Variants in CYB5R4 observed in about 807,000 individuals in gnomAD.
CYB5R4 encodes the protein N-terminal cytochrome b5 and cytochrome b5 oxidoreductase domain-containing protein.
A neutral mutation model predicts 70.2 loss-of-function variants in CYB5R4; 55 were observed. The ratio of observed to expected loss-of-function variants is 0.78; its 90% CI spans 0.63 to 0.98. CYB5R4 has a LOEUF of 0.98. Among genes scored for constraint, CYB5R4 ranks in the 50% least tolerant of loss-of-function variants. The pLI, the probability that CYB5R4 is intolerant of heterozygous loss-of-function variation, is 0.00. For missense variants in CYB5R4, 562 were observed against 612.6 expected (o/e 0.92, Z 0.87); for synonymous variants, 197 against 199.5 (o/e 0.99, Z 0.11).
intron 14 of CYB5R4, among the ~76,000 whole-genome samples, chr6:83,946,347 G>T (rs905101726): frequency 6.6e-6 from 1 of 152,132 alleles, no homozygotes; most frequent in Non-Finnish European, 1.5e-5. Context: ...AATAGATGCA[G>T]AAAAGGCCTT....
At chr6:83,913,913 C>T (rs1413400409) in intron 4 of CYB5R4, among the ~76,000 whole-genome samples, 2 of 152,012 alleles carry the variant, frequency 1.3e-5, no homozygotes, top group Non-Finnish European at 1.5e-5. Flanking sequence ...CTAATAATTG[C>T]ATTGGGTATA....
At position 83,966,586 on chromosome 6, in the gene CYB5R4, G is replaced by T. The variant is rs553234721; in HGVS notation, c.*6708G>T. ...TAGGCCTGTAATCCCTGCTACTTGG[G>T]AGGCTGAGGCAGGATAATTGCCTGA... On this transcript the variant is annotated 3_prime_UTR_variant, in exon 16 of 16. Coordinates refer to ENST00000369681, the MANE Select transcript of CYB5R4 (RefSeq NM_016230.4). 1 of 152,296 alleles carries T rather than the reference G, an allele frequency of 6.6e-6. No individual in the cohort carries two copies. Among genetic ancestry groups the T allele is most frequent in the Admixed American group, 6.5e-5 (1 of 15,296 alleles). The allele number at this position is 152,296 out of a possible 1,614,324, so 9.4% of individuals were successfully genotyped here. A position where few individuals can be genotyped will look rare whatever the true frequency, so the allele number is the denominator to read the frequency against.
At chr6:83,884,984 A>G (rs2099460033) in intron 2 of CYB5R4, among the ~76,000 whole-genome samples, 1 of 152,168 alleles carries the variant, frequency 6.6e-6, no homozygotes, top group Non-Finnish European at 1.5e-5. Context: ...TTGGTCTTAA[A>G]ATATCTTTAC....
chr6:83,874,375 TA>T (rs1245157861), intron 2 of CYB5R4, among the ~76,000 whole-genome samples: 2 of 151,180 alleles, frequency 1.3e-5, no homozygotes, highest in East Asian at 2.0e-4. Flanking sequence ...AAAAAAAAAT[TA>T]TTTTTTTGTA....
intron 2 of CYB5R4, among the ~76,000 whole-genome samples, chr6:83,881,931 T>G (rs2099459504): frequency 6.6e-6 from 1 of 152,248 alleles, no homozygotes; most frequent in African/African-American, 2.4e-5. Flanking sequence ...TTAATTTATT[T>G]TCCATTTGTC....
chr6:83,909,328 G>A (rs2099464310), intron 4 of CYB5R4, among the ~76,000 whole-genome samples: 1 of 152,088 alleles, frequency 6.6e-6, no homozygotes, highest in Non-Finnish European at 1.5e-5. Context: ...ACAACACTTA[G>A]GGTTGATTTT....
chr6:83,956,270 G>C (rs2099472410), intron 15 of CYB5R4, among the ~76,000 whole-genome samples: 1 of 152,160 alleles, frequency 6.6e-6, no homozygotes. Context: ...TCGGGGCATA[G>C]CTTGGTTTGA....
At chr6:83,878,547 A>C (rs1032285635) in intron 2 of CYB5R4, among the ~76,000 whole-genome samples, 2 of 151,890 alleles carry the variant, frequency 1.3e-5, no homozygotes, top group Non-Finnish European at 2.9e-5. Context: ...GGGGTTTCAC[A>C]GTGTTAGCCA....
intron 10 of CYB5R4, among the ~76,000 whole-genome samples, chr6:83,932,318 G>C (rs2099468279): frequency 6.6e-6 from 1 of 152,172 alleles, no homozygotes; most frequent in African/African-American, 2.4e-5. Flanking sequence ...AACAAGGAAA[G>C]TCAGTAAATC....
intron 15 of CYB5R4, among the ~76,000 whole-genome samples, chr6:83,957,535 C>T (rs763035539): frequency 2.4e-4 from 36 of 148,934 alleles, no homozygotes; most frequent in Non-Finnish European, 4.6e-4. Context: ...GCAGGAGGAT[C>T]GCTCGAATCT....
At chr6:83,896,263 C>T (rs1391785465) in intron 3 of CYB5R4, among the ~76,000 whole-genome samples, 2 of 152,150 alleles carry the variant, frequency 1.3e-5, no homozygotes, top group Non-Finnish European at 2.9e-5. Flanking sequence ...ATTTAGGTAA[C>T]ATGACAGCTA....
intron 10 of CYB5R4, among the ~76,000 whole-genome samples, chr6:83,926,886 C>T (rs1212046889): frequency 6.6e-6 from 1 of 152,126 alleles, no homozygotes; most frequent in Admixed American, 6.5e-5. Flanking sequence ...ACTCTGATGC[C>T]AGAGGTACTT....
At chr6:83,885,024 T>C (rs1470268778) in intron 2 of CYB5R4, among the ~76,000 whole-genome samples, 1 of 152,172 alleles carries the variant, frequency 6.6e-6, no homozygotes, top group Non-Finnish European at 1.5e-5. Context: ...CCAAGGACTA[T>C]TGTTTAGGAC....
At chr6:83,883,749 T>A (rs190571529) in intron 2 of CYB5R4, among the ~76,000 whole-genome samples, 263 of 152,288 alleles carry the variant, frequency 1.7e-3, no homozygotes, top group African/African-American at 6.1e-3. Flanking sequence ...CTACTTTTTG[T>A]CCTCTTCATT....
intron 5 of CYB5R4, 22 bp from the exon 6 acceptor site, chr6:83,917,983 A>G: frequency 6.3e-7 from 1 of 1,597,016 alleles, no homozygotes; most frequent in Non-Finnish European, 8.6e-7. Context: ...TAGATGAACT[A>G]TAGCTATCTT....
chr6:83,934,222 A>C lies in CYB5R4; in HGVS notation c.815-373A>C, dbSNP rs61756891. ...CAGCCTGGGCAACATAGTGAAACCC[A>C]ATCTCTTTAAAAAAAAATTAAAAAA... On this transcript the variant is annotated intron_variant, in intron 10 of 15. Transcript: ENST00000369681. 6.7e-3 allele frequency among the ~76,000 whole-genome samples: 1,014 copies of C among 151,734 alleles called. 13 individuals are homozygous for C. The highest frequency in any genetic ancestry group is 0.022 in the African/African-American group (920 of 41,338).
rs13213244 is a variant in CYB5R4 at position 83,960,232 on chromosome 6, T to C, written c.*354T>C. ...TAAATGATCACTTCGATCATGTTTC[T>C]ATGCTGTAAAATGTCTTATTAGCAA... On this transcript the variant is annotated 3_prime_UTR_variant, in exon 16 of 16. Coordinates refer to ENST00000369681, the MANE Select transcript of CYB5R4 (RefSeq NM_016230.4). The C allele has an allele frequency of 0.044, 7,689 of 174,444 alleles. 202 individuals carry two copies. Among genetic ancestry groups the C allele is most frequent in the African/African-American group, 0.069 (2,881 of 41,918 alleles). 10.8% of individuals were successfully genotyped at this position (174,444 alleles called of 1,614,324 possible). A position where few individuals can be genotyped will look rare whatever the true frequency, so the allele number is the denominator to read the frequency against.
At chr6:83,933,948 C>A (rs1454848533) in intron 10 of CYB5R4, among the ~76,000 whole-genome samples, 2 of 152,098 alleles carry the variant, frequency 1.3e-5, no homozygotes, top group African/African-American at 4.8e-5. Context: ...AAAATGTTCT[C>A]TAATCATGTA....
chr6:83,958,974 G>T (rs1212852072), intron 15 of CYB5R4, among the ~76,000 whole-genome samples: 1 of 152,106 alleles, frequency 6.6e-6, no homozygotes, highest in Non-Finnish European at 1.5e-5. Flanking sequence ...TGTTCAGTAG[G>T]GGGAGAATGA....
Sources: allele counts gnomAD v4.1 joint callset (sites outside exome capture counted in the v4.1 genomes callset), GRCh38; gene constraint gnomAD v4.1.1; transcripts MANE v1.5; gene names NCBI Gene and HGNC (gene_info 2026-07-23, HGNC 2026-07-21).